The following FOXP2 variants were observed in gnomAD, a reference collection of about 807,000 sequenced individuals.
FOXP2 encodes forkhead box P2, also known as forkhead box protein P2.
FOXP2 carries 12 observed loss-of-function variants against 115.8 expected under a neutral mutation model. The observed-to-expected ratio is 0.10, with a 90% CI of 0.07 to 0.17. The LOEUF (loss-of-function observed/expected upper bound fraction) is 0.17, where lower values mean the gene tolerates loss of function less well. Among genes scored for constraint, FOXP2 ranks in the 10% least tolerant of loss-of-function variants. The pLI is 1.00. For missense variants in FOXP2, 629 were observed against 843.5 expected, an observed-to-expected ratio of 0.75 and a Z score of 3.15; for synonymous variants, 328 against 297.7, an observed-to-expected ratio of 1.10 and a Z score of -1.05.
At chr7:114,279,783 G>A (rs979504836) in intron 1 of FOXP2, among the ~76,000 whole-genome samples, 1 of 151,742 alleles carries the variant, frequency 6.6e-6, no homozygotes, top group African/African-American at 2.4e-5. Flanking sequence ...AAAAAGCATT[G>A]TTGCTTAGCA....
At chr7:114,594,737 C>G (rs1238424628) in intron 3 of FOXP2, among the ~76,000 whole-genome samples, 1 of 151,988 alleles carries the variant, frequency 6.6e-6, no homozygotes, top group Non-Finnish European at 1.5e-5. Context: ...TTGAAATACA[C>G]TATATTGCTG....
chr7:114,098,069 G>A (rs1027916001), intron 1 of FOXP2, among the ~76,000 whole-genome samples: 17 of 152,300 alleles, frequency 1.1e-4, no homozygotes, highest in South Asian at 2.1e-4. Flanking sequence ...GAAAAGTGGG[G>A]ATAACAAGAG....
intron 2 of FOXP2, among the ~76,000 whole-genome samples, chr7:114,330,873 A>G (rs1797691552): frequency 6.6e-6 from 1 of 152,226 alleles, no homozygotes; most frequent in East Asian, 1.9e-4. Flanking sequence ...AGCACTGTTT[A>G]TAACAACAAC....
intron 3 of FOXP2, among the ~76,000 whole-genome samples, chr7:114,605,423 T>A (rs550163772): frequency 6.6e-6 from 1 of 152,200 alleles, no homozygotes; most frequent in East Asian, 1.9e-4. Flanking sequence ...AAAAGCATTT[T>A]GCCAGATTGT....
At chr7:114,343,601 A>G (rs1211858172) in intron 2 of FOXP2, among the ~76,000 whole-genome samples, 2 of 151,644 alleles carry the variant, frequency 1.3e-5, no homozygotes, top group Non-Finnish European at 3.0e-5. Flanking sequence ...CTATCAGTTA[A>G]CTCACCCTTA....
intron 3 of FOXP2, among the ~76,000 whole-genome samples, chr7:114,601,405 G>T (rs137976750): frequency 1.4e-4 from 21 of 152,162 alleles, no homozygotes; most frequent in Non-Finnish European, 2.6e-4. Flanking sequence ...AGATTTTCTC[G>T]TATGTTAATT....
At chr7:114,472,806 G>C (rs1394437559) in intron 2 of FOXP2, among the ~76,000 whole-genome samples, 2 of 152,098 alleles carry the variant, frequency 1.3e-5, no homozygotes, top group African/African-American at 2.4e-5. Flanking sequence ...AATTAAAAAT[G>C]GTTCTGAGTT....
chr7:114,109,843 GA>G (rs2129141984), intron 1 of FOXP2, among the ~76,000 whole-genome samples: 1 of 152,214 alleles, frequency 6.6e-6, no homozygotes, highest in South Asian at 2.1e-4. Context: ...TTTTAAGATA[GA>G]GATTTCTTTA....
chr7:114,124,997 C>T (rs1267088184), intron 1 of FOXP2, among the ~76,000 whole-genome samples: 1 of 152,072 alleles, frequency 6.6e-6, no homozygotes, highest in African/African-American at 2.4e-5. Flanking sequence ...CAATGCACAG[C>T]TAGAAAGCAG....
intron 2 of FOXP2, among the ~76,000 whole-genome samples, chr7:114,457,249 A>G (rs1036380460): frequency 3.3e-5 from 5 of 152,188 alleles, no homozygotes; most frequent in African/African-American, 1.2e-4. Flanking sequence ...GTATATAAGT[A>G]TATCAAAACC....
chr7:114,342,020 G>T (rs1315219351), intron 2 of FOXP2, among the ~76,000 whole-genome samples: 1 of 151,308 alleles, frequency 6.6e-6, no homozygotes, highest in African/African-American at 2.4e-5. Flanking sequence ...GATAAAATGG[G>T]TAACTAAGTC....
chr7:114,670,590 A>G (rs1239690771), intron 16 of FOXP2, among the ~76,000 whole-genome samples: 1 of 152,046 alleles, frequency 6.6e-6, no homozygotes, highest in Non-Finnish European at 1.5e-5. Flanking sequence ...ACTGGATTAA[A>G]CAGTATTGAA....
At chr7:114,086,480 C>T (rs747378886), upstream of FOXP2, 28 of 349,260 alleles carry the variant, frequency 8.0e-5, no homozygotes, top group African/African-American at 3.8e-4. Flanking sequence ...CGGCCCCCCC[C>T]CTCCCCGGGC....
chr7:114,390,437 G>A (rs969388907), intron 2 of FOXP2, among the ~76,000 whole-genome samples: 35 of 152,148 alleles, frequency 2.3e-4, no homozygotes, highest in Admixed American at 2.6e-4. Context: ...TTCACCATTT[G>A]TTATATTATA....
At chr7:114,371,744 T>A (rs1333291443) in intron 2 of FOXP2, among the ~76,000 whole-genome samples, 2 of 152,238 alleles carry the variant, frequency 1.3e-5, no homozygotes, top group East Asian at 3.9e-4. Flanking sequence ...TGGTATATAG[T>A]AACTACTAAA....
intron 16 of FOXP2, among the ~76,000 whole-genome samples, chr7:114,687,051 A>C (rs1808404875): frequency 6.6e-6 from 1 of 152,220 alleles, no homozygotes; most frequent in Non-Finnish European, 1.5e-5. Context: ...GTTGCTGAAT[A>C]ACGTGAAATG....
chr7:114,113,596 C>T (rs1791329673), intron 1 of FOXP2, among the ~76,000 whole-genome samples: 1 of 152,040 alleles, frequency 6.6e-6, no homozygotes, highest in African/African-American at 2.4e-5. Context: ...TCTCAAACTC[C>T]TGGCACAAGT....
At chr7:114,670,970 C>CA (rs1807457506) in intron 16 of FOXP2, among the ~76,000 whole-genome samples, 1 of 150,564 alleles carries the variant, frequency 6.6e-6, no homozygotes, top group Non-Finnish European at 1.5e-5. Flanking sequence ...AACATGAAAG[C>CA]TTTTTTTTTG....
Position 114,631,546 on chromosome 7 carries a change from C to G in FOXP2, c.616C>G (p.Gln206Glu). Residue 206 changes from glutamine to glutamate, a missense_variant, in exon 6 of 17, where the codon CAG (glutamine) becomes GAG (glutamate). By Grantham distance (29) the Gln-to-Glu change is conservative. Around this residue, in one of 9 missense-constraint regions of FOXP2, gnomAD observed 138 missense variants for 205.1 expected, o/e 0.67. Transcript: ENST00000350908. Reference protein sequence around the residue: ...QAKEQQQQQQQQQQLAAQQLV... With the variant: ...QAKEQQQQQQEQQQLAAQQLV... ...ATACCAGCAGCAGCAGCAGCAGCAG[C>G]AGCAACAGCAATTGGCAGCCCAGCA... The G allele has an allele frequency of 6.3e-7, 1 of 1,581,006 alleles. No individual in the cohort carries two copies. The highest frequency in any genetic ancestry group is 8.6e-7 in the Non-Finnish European group (1 of 1,162,790).
Sources: gnomAD v4.1 joint callset for allele counts (sites outside exome capture counted in the v4.1 genomes callset) on GRCh38, gnomAD v4.1.1 for gene constraint, gnomAD v4.1.1 regional missense constraint, MANE v1.5 for transcripts, NCBI Gene and HGNC (gene_info 2026-07-23, HGNC 2026-07-21) for gene names.